Variants in ZNF12 observed in about 807,000 individuals in gnomAD.
ZNF12 encodes the protein zinc finger protein 12, also known as gonadotropin inducible transcription repressor 3.
ZNF12 carries 34 observed loss-of-function variants against 66.6 expected under a neutral mutation model. That is an observed-to-expected ratio of 0.51 (90% CI 0.39 to 0.68). The LOEUF is 0.68. ZNF12 is among the 30% of genes least tolerant of loss of function. ZNF12 has a pLI of 0.00. For synonymous variants in ZNF12, 320 were observed against 278.9 expected, an observed-to-expected ratio of 1.15 and a Z score of -1.47; for missense variants, 697 against 826.9, an observed-to-expected ratio of 0.84 and a Z score of 1.93.
chr7:6,705,202 G>C lies in ZNF12; in HGVS notation c.-29C>G. The C allele has an allele frequency of 6.2e-7, 1 of 1,613,618 alleles. No individual in the cohort carries two copies. The highest frequency in any genetic ancestry group is 1.3e-5 in the African/African-American group (1 of 75,064). On this transcript the variant is annotated 5_prime_UTR_variant, in exon 2 of 5. Transcript: ENST00000405858. This position sits in a 1 kb window ranked among gnomAD's most constrained non-coding sequence, Gnocchi z 4.0. ...CTGCTGCTCTTGGAAAAATCTGGAG[G>C]ACTGTGAAAGCGGAGGCAGATCTGG...
chr7:6,702,303 A>AACACACACACACACACACAC lies in ZNF12; in HGVS notation c.15+2836_15+2855dup, dbSNP rs35642461. Among the ~76,000 whole-genome samples, 404 of 122,916 alleles carry AACACACACACACACACACAC rather than the reference A, an allele frequency of 3.3e-3. 10 individuals are homozygous for AACACACACACACACACACAC. Among genetic ancestry groups the AACACACACACACACACACAC allele is most frequent in the African/African-American group, 0.011 (350 of 33,166 alleles). The allele number at this position is 122,916 out of a possible 152,430, so 80.6% of individuals were successfully genotyped here. A position where few individuals can be genotyped will look rare whatever the true frequency, so the allele number is the denominator to read the frequency against. ...CCAGATTCGTCTCCCAAACTCCACAAACACACACACACACACACACACCAG... is the reference window on the plus strand; with the variant it reads ...CCAGATTCGTCTCCCAAACTCCACAAACACACACACACACACACACACACACACACACACACACACACCAG... On this transcript the variant is annotated intron_variant, in intron 2 of 4. Transcript: ENST00000405858.
chr7:6,690,818 G>C lies in ZNF12; in HGVS notation c.*30C>G. The C allele has an allele frequency of 6.4e-7, 1 of 1,557,686 alleles. No homozygotes were observed. Among genetic ancestry groups the C allele is most frequent in the Non-Finnish European group, 8.7e-7 (1 of 1,153,334 alleles). On this transcript the variant is annotated 3_prime_UTR_variant, in exon 5 of 5. Transcript: ENST00000405858. ...GAGTTTCTGATTCACTATACTGAAA[G>C]GGTTCTCTGATATAAAATGAGGTCT...
chr7:6,700,336 C>CATAT (rs1554294763), intron 2 of ZNF12, among the ~76,000 whole-genome samples: 21 of 143,060 alleles, frequency 1.5e-4, no homozygotes, highest in Middle Eastern at 3.5e-3. Context: ...CACACACACA[C>CATAT]ATATATATAC....
At chr7:6,695,896 G>A (rs1008977172) in intron 4 of ZNF12, among the ~76,000 whole-genome samples, 10 of 152,220 alleles carry the variant, frequency 6.6e-5, no homozygotes, top group Non-Finnish European at 8.8e-5. Flanking sequence ...ATGTAAAGCT[G>A]TAGGGACAAT....
Position 6,691,202 on chromosome 7 carries a change from A to G in ZNF12, c.1740T>C (p.Ser580=). Reference sequence around the variant, plus strand: ...TCTGGCAGAAGGTTTTCCCACATTCACTACATTCATAGGGCTTCTCTCCTG... The same window carrying G: ...TCTGGCAGAAGGTTTTCCCACATTCGCTACATTCATAGGGCTTCTCTCCTG... ...IHSGEKPYEC[S]ECGKTFCQNS... The change falls in exon 5 of 5, where the codon AGT becomes AGC. Residue 580 remains serine, a synonymous_variant. Coordinates refer to ENST00000405858, the MANE Select transcript of ZNF12 (RefSeq NM_016265.4). 6 of 1,614,130 alleles carry G rather than the reference A, an allele frequency of 3.7e-6. No homozygotes were observed. The highest frequency in any genetic ancestry group is 1.7e-4 in the Middle Eastern group (1 of 6,060).
chr7:6,692,626 T>A lies in ZNF12; in HGVS notation c.316A>T (p.Ile106Phe), dbSNP rs1466191142. Residue 106 changes from isoleucine (I) to phenylalanine (F), a missense_variant, in exon 5 of 5, where the codon ATT becomes TTT. This residue lies in a region of ZNF12 where 241 missense variants were observed against 224.0 expected (regional missense o/e 1.08). Coordinates refer to ENST00000405858, the MANE Select transcript of ZNF12 (RefSeq NM_016265.4). This position sits in a 1 kb window ranked among gnomAD's most constrained non-coding sequence, Gnocchi z 5.1. ...ENKPSRQTVF[I>F]ETLIEERGNV... The stretch of plus-strand genomic sequence containing the variant: ...CCTCTCTCTTCAATCAGGGTCTCAA[T>A]GAACACAGTTTGCCTTGAAGGTTTA... 1 of 1,613,582 alleles carries A rather than the reference T, an allele frequency of 6.2e-7. No homozygotes were observed.
intron 2 of ZNF12, among the ~76,000 whole-genome samples, chr7:6,700,304 T>TACACACAC (rs71539972): frequency 0.044 from 5,634 of 128,726 alleles, 178 homozygotes; most frequent in African/African-American, 0.08. Context: ...AAAAAAAATA[T>TACACACAC]ACACACACAC....
intron 2 of ZNF12, among the ~76,000 whole-genome samples, chr7:6,704,679 G>A (rs1254647769): frequency 5.2e-5 from 7 of 133,460 alleles, no homozygotes; most frequent in Non-Finnish European, 7.7e-5. Flanking sequence ...GGTGGAGGTT[G>A]CACTGAGCTG....
chr7:6,704,740 C>CAAAAAAAAAAAAAAAAAAA (rs949897713), intron 2 of ZNF12, among the ~76,000 whole-genome samples: 1 of 32,250 alleles, frequency 3.1e-5, no homozygotes, highest in Admixed American at 6.0e-4. Flanking sequence ...TACTTGGTCT[C>CAAAAAAAAAAAAAAAAAAA]AAAAAAAAAA....
intron 2 of ZNF12, among the ~76,000 whole-genome samples, chr7:6,699,435 T>G (rs1388729449): frequency 6.6e-6 from 1 of 151,872 alleles, no homozygotes; most frequent in African/African-American, 2.4e-5. Context: ...GGGCTGAGAG[T>G]GTCCAGCTGC....
rs1394936709 is a variant in ZNF12 at position 6,688,840 on chromosome 7, A to G, written c.*2008T>C. 1 of 152,644 alleles carries G rather than the reference A, an allele frequency of 6.6e-6. No individual in the cohort carries two copies. The highest frequency in any genetic ancestry group is 1.9e-4 in the East Asian group (1 of 5,196). 9.5% of individuals were successfully genotyped at this position (152,644 alleles called of 1,614,324 possible). On this transcript the variant is annotated 3_prime_UTR_variant, in exon 5 of 5. Coordinates refer to ENST00000405858, the MANE Select transcript of ZNF12 (RefSeq NM_016265.4). The surrounding 1 kb of genome is among the most constrained non-coding windows in gnomAD (Gnocchi z 4.3). ...TATATGAATCACATAAATTACCTCC[A>G]ACAAAATGTATTCCATGTATTAGAA...
rs373230655 is a variant in ZNF12 at position 6,692,462 on chromosome 7, A to G, written c.480T>C (p.Tyr160=). ...VSEYISSDGS[Y]ARMKADECSG... ...TACATTCATCAGCTTTCATTCTTGC[A>G]TAGCTTCCATCACTACTAATATATT... The change falls in exon 5 of 5, where the codon TAT becomes TAC. Residue 160 remains tyrosine, a synonymous_variant. Transcript: ENST00000405858. This position sits in a 1 kb window ranked among gnomAD's most constrained non-coding sequence, Gnocchi z 5.1. 17 of 1,612,972 alleles carry G rather than the reference A, an allele frequency of 1.1e-5. No individual in the cohort carries two copies. In the East Asian group the frequency reaches 1.1e-4, roughly 11 times the overall value.
chr7:6,706,201 G>A (rs1424221973), intron 1 of ZNF12, among the ~76,000 whole-genome samples: 1 of 152,220 alleles, frequency 6.6e-6, no homozygotes, highest in Non-Finnish European at 1.5e-5. Context: ...AGAGAGAGGA[G>A]GAAGGGCTGC....
At position 6,692,220 on chromosome 7, in the gene ZNF12, T is replaced by C. The variant is rs367716418; in HGVS notation, c.722A>G (p.Tyr241Cys). 129 of 1,613,914 alleles carry C rather than the reference T, an allele frequency of 8.0e-5. No individual in the cohort carries two copies. The highest frequency in any genetic ancestry group is 4.0e-4 in the East Asian group (18 of 44,896). ...VFVNHMEEKP[Y>C]KWNGSEIAFL... ...GGCTATTTCAGATCCATTCCACTTA[T>C]AGGGCTTTTCTTCCATGTGATTAAC... Residue 241 changes from tyrosine (Y) to cysteine (C), a missense_variant, in exon 5 of 5, where the codon TAT becomes TGT. Tyr to Cys is a radical substitution (Grantham distance 194, BLOSUM62 -2). Around this residue, in one of 3 missense-constraint regions of ZNF12, gnomAD observed 241 missense variants for 224.0 expected, o/e 1.08. Transcript: ENST00000405858. The surrounding 1 kb of genome is among the most constrained non-coding windows in gnomAD (Gnocchi z 5.1).
At chr7:6,700,299 AAAT>A (rs1191273337) in intron 2 of ZNF12, among the ~76,000 whole-genome samples, 2 of 138,328 alleles carry the variant, frequency 1.4e-5, no homozygotes, top group Admixed American at 1.4e-4. Flanking sequence ...GAAAAAAAAA[AAAT>A]ATACACACAC....
At chr7:6,703,586 T>C (rs1404292247) in intron 2 of ZNF12, among the ~76,000 whole-genome samples, 2 of 152,026 alleles carry the variant, frequency 1.3e-5, no homozygotes, top group Non-Finnish European at 2.9e-5. Flanking sequence ...TCCAAATAAT[T>C]ATTCTGAACC....
At chr7:6,693,976 T>C (rs1179466427) in intron 4 of ZNF12, among the ~76,000 whole-genome samples, 2 of 152,100 alleles carry the variant, frequency 1.3e-5, no homozygotes, top group Non-Finnish European at 2.9e-5. Flanking sequence ...GAGACCAGCC[T>C]GGCCATGATG....
rs78190017 is a variant in ZNF12 at position 6,688,996 on chromosome 7, A to C, written c.*1852T>G. The C allele has an allele frequency of 2.6e-4, 39 of 152,798 alleles. No homozygotes were observed. The highest frequency in any genetic ancestry group is 8.9e-4 in the African/African-American group (37 of 41,580). The allele number at this position is 152,798 out of a possible 1,614,324, so 9.5% of individuals were successfully genotyped here. A position where few individuals can be genotyped will look rare whatever the true frequency, so the allele number is the denominator to read the frequency against. On this transcript the variant is annotated 3_prime_UTR_variant, in exon 5 of 5. Transcript: ENST00000405858. The surrounding 1 kb of genome is among the most constrained non-coding windows in gnomAD (Gnocchi z 4.3). ...CTAATGCTCAAACTATTTACGTCAA[A>C]ATTTACAGAAAATAAATCTCTATAT...
intron 2 of ZNF12, among the ~76,000 whole-genome samples, chr7:6,699,574 C>T (rs1452270554): frequency 1.3e-5 from 2 of 152,212 alleles, no homozygotes; most frequent in African/African-American, 4.8e-5. Context: ...ACTCTGTGCA[C>T]ACTTTGTTCA....
Sources: allele counts gnomAD v4.1 joint callset (sites outside exome capture counted in the v4.1 genomes callset), GRCh38; gene constraint gnomAD v4.1.1; regional missense constraint gnomAD v4.1.1; non-coding constraint Gnocchi (gnomAD v3.1); transcripts MANE v1.5; gene names NCBI Gene and HGNC (gene_info 2026-07-23, HGNC 2026-07-21).